The following TLCD4 variants were observed in gnomAD, a reference collection of about 807,000 sequenced individuals.
TLCD4 encodes the protein TLC domain-containing protein 4.
In TLCD4, 7 loss-of-function variants were observed where a neutral mutation model predicts 24.2. The observed-to-expected ratio is 0.29, with a 90% CI of 0.16 to 0.54. The LOEUF is 0.54. Ranked by LOEUF, TLCD4 falls within the 20% of genes least tolerant of loss-of-function variation. The pLI is 0.95. For missense variants in TLCD4, 259 were observed against 313.9 expected (o/e 0.82, Z 1.32); for synonymous variants, 103 against 106.4 (o/e 0.97, Z 0.20).
At chr1:95,187,404 C>A (rs1037198569) in intron 6 of TLCD4, among the ~76,000 whole-genome samples, 2 of 152,084 alleles carry the variant, frequency 1.3e-5, no homozygotes, top group Non-Finnish European at 1.5e-5. Context: ...TGGCTGTGAT[C>A]GTTTCTCAGA....
chr1:95,149,496 C>T (rs1382494285), intron 3 of TLCD4, among the ~76,000 whole-genome samples: 1 of 152,082 alleles, frequency 6.6e-6, no homozygotes, highest in African/African-American at 2.4e-5. Context: ...TTTTGACCAC[C>T]ACCATTTGAC....
At chr1:95,129,224 T>C (rs1333304055) in intron 1 of TLCD4, among the ~76,000 whole-genome samples, 1 of 152,176 alleles carries the variant, frequency 6.6e-6, no homozygotes, top group East Asian at 1.9e-4. Flanking sequence ...GTTGCCAGGG[T>C]CTGTAGCAGG....
chr1:95,150,389 A>G, intron 4 of TLCD4, 123 bp downstream of exon 4: 1 of 1,190,134 alleles, frequency 8.4e-7, no homozygotes, highest in East Asian at 2.6e-5. Flanking sequence ...TACAGAGGAA[A>G]AAAATACCTC....
intron 1 of TLCD4, among the ~76,000 whole-genome samples, chr1:95,133,983 A>G (rs1309177987): frequency 6.6e-6 from 1 of 151,838 alleles, no homozygotes; most frequent in Non-Finnish European, 1.5e-5. Flanking sequence ...CAAGCAGAAT[A>G]GGGCTAATGG....
intron 6 of TLCD4, among the ~76,000 whole-genome samples, chr1:95,175,802 G>T (rs914977871): frequency 5.9e-5 from 9 of 151,432 alleles, no homozygotes; most frequent in Admixed American, 4.0e-4. Context: ...TGGATACAGG[G>T]TCTCACTCTG....
the TLCD4 span, among the ~76,000 whole-genome samples, chr1:95,104,356 T>G: frequency 6.6e-6 from 1 of 152,014 alleles, no homozygotes. Context: ...AAATGGAAAA[T>G]ACACTAAGTC....
the TLCD4 span, among the ~76,000 whole-genome samples, chr1:95,095,003 G>A: frequency 3.9e-5 from 6 of 152,164 alleles, no homozygotes; most frequent in African/African-American, 1.4e-4. Flanking sequence ...CTTCTAATGT[G>A]ACCTTGAACA....
chr1:95,099,995 G>C, the TLCD4 span, among the ~76,000 whole-genome samples: 3 of 151,834 alleles, frequency 2.0e-5, no homozygotes, highest in Admixed American at 2.0e-4. Context: ...ACAAAAATTA[G>C]CTGGGCATGG....
chr1:95,119,892 G>A (rs560434502), intron 1 of TLCD4, among the ~76,000 whole-genome samples: 1 of 150,752 alleles, frequency 6.6e-6, no homozygotes, highest in Non-Finnish European at 1.5e-5. Flanking sequence ...GGGATACTCA[G>A]TTTGGCTGAG....
chr1:95,160,211 A>G (rs1167944989), intron 5 of TLCD4, among the ~76,000 whole-genome samples: 4 of 152,160 alleles, frequency 2.6e-5, no homozygotes, highest in Non-Finnish European at 5.9e-5. Flanking sequence ...CTCCTTGAAG[A>G]GGTCCTTCAC....
upstream of TLCD4, among the ~76,000 whole-genome samples, chr1:95,117,117 A>G (rs556023541): frequency 1.1e-4 from 16 of 152,288 alleles, no homozygotes; most frequent in African/African-American, 3.1e-4. Flanking sequence ...CCCCGCTGGC[A>G]AGTTTTGTGA....
chr1:95,097,817 A>C, the TLCD4 span, among the ~76,000 whole-genome samples: 2 of 152,148 alleles, frequency 1.3e-5, no homozygotes, highest in Middle Eastern at 3.2e-3. Context: ...TCTTAACTTC[A>C]TGCCATTCCT....
the TLCD4 span, among the ~76,000 whole-genome samples, chr1:95,094,309 T>C: frequency 6.6e-6 from 1 of 151,996 alleles, no homozygotes; most frequent in Non-Finnish European, 1.5e-5. Context: ...TGCATTTTTT[T>C]TTTTTTTGGT....
chr1:95,142,977 GA>G lies in TLCD4; in HGVS notation c.-11-913del, dbSNP rs879425160. On this transcript the variant is annotated intron_variant, in intron 1 of 6. Transcript: ENST00000370203. ...TGGAGGCGGGGTTGGGGGCGTGGCGGAGGGGAGGGGAAGTTACACTTCTGTG... is the reference window on the plus strand; with the variant it reads ...TGGAGGCGGGGTTGGGGGCGTGGCGGGGGGAGGGGAAGTTACACTTCTGTG... 1.6e-3 allele frequency among the ~76,000 whole-genome samples: 247 copies of G among 151,706 alleles called. 8 individuals are homozygous for G. The highest frequency in any genetic ancestry group is 2.3e-3 in the Non-Finnish European group (159 of 67,872).
intron 2 of TLCD4, among the ~76,000 whole-genome samples, chr1:95,146,331 C>T (rs1677347418): frequency 6.6e-6 from 1 of 152,098 alleles, no homozygotes; most frequent in Admixed American, 6.6e-5. Context: ...CTTATATTCA[C>T]TTTCTTACCT....
intron 5 of TLCD4, among the ~76,000 whole-genome samples, chr1:95,160,724 T>G (rs1416873154): frequency 6.6e-6 from 1 of 152,228 alleles, no homozygotes; most frequent in African/African-American, 2.4e-5. Context: ...GCTGTTGAAT[T>G]TTGTCGAAGG....
chr1:95,114,481 G>A (rs574606408), upstream of TLCD4, among the ~76,000 whole-genome samples: 21 of 152,096 alleles, frequency 1.4e-4, no homozygotes, highest in Admixed American at 4.6e-4. Context: ...CAAACAATTG[G>A]TTCTATTCAG....
intron 2 of TLCD4, among the ~76,000 whole-genome samples, chr1:95,145,038 T>C (rs574366068): frequency 3.9e-5 from 6 of 152,346 alleles, no homozygotes; most frequent in South Asian, 2.1e-4. Context: ...GTACAACTTA[T>C]TAATCTCACA....
intron 6 of TLCD4, among the ~76,000 whole-genome samples, chr1:95,178,105 C>T (rs1203826054): frequency 6.6e-6 from 1 of 151,644 alleles, no homozygotes; most frequent in Non-Finnish European, 1.5e-5. Flanking sequence ...CGCATGCTGC[C>T]ACACCCGGCT....
Sources: allele counts gnomAD v4.1 joint callset (sites outside exome capture counted in the v4.1 genomes callset), GRCh38; gene constraint gnomAD v4.1.1; transcripts MANE v1.5; gene names NCBI Gene and HGNC (gene_info 2026-07-23, HGNC 2026-07-21).